Variants in CPB1 observed in about 807,000 individuals in gnomAD.
The protein encoded by CPB1 is carboxypeptidase B1.
In CPB1, 53 loss-of-function variants were observed where a neutral mutation model predicts 51.4. The observed-to-expected ratio is 1.03, with a 90% CI of 0.83 to 1.30. The LOEUF (loss-of-function observed/expected upper bound fraction) is 1.30. Among genes scored for constraint, CPB1 ranks in the 50% most tolerant of loss-of-function variants. The pLI is 0.00. For missense variants in CPB1, 494 were observed against 516.2 expected, an observed-to-expected ratio of 0.96 and a Z score of 0.42; for synonymous variants, 189 against 186.9, an observed-to-expected ratio of 1.01 and a Z score of -0.09.
intron 9 of CPB1, among the ~76,000 whole-genome samples, chr3:148,852,832 C>A (rs547907556): frequency 7.2e-5 from 11 of 152,194 alleles, no homozygotes; most frequent in African/African-American, 2.7e-4. Context: ...TCCCCGTGGG[C>A]TCTGTGGAAA....
chr3:148,858,058 G>A (rs1713635496), intron 10 of CPB1, among the ~76,000 whole-genome samples: 1 of 152,120 alleles, frequency 6.6e-6, no homozygotes, highest in Admixed American at 6.6e-5. Context: ...AAAGAGAAAA[G>A]GAAGGAGGGA....
At chr3:148,857,702 A>AG in intron 10 of CPB1, 161 bp downstream of exon 10, 2 of 523,402 alleles carry the variant, frequency 3.8e-6, no homozygotes, top group Non-Finnish European at 6.7e-6. Context: ...AAAAAAAAAA[A>AG]GGAGGGAAAG....
Position 148,828,030 on chromosome 3 carries a change from G to A in CPB1, c.100G>A (p.Asp34Asn). The stretch of plus-strand genomic sequence containing the variant: ...GAAGGTGTTCCGTGTTAACGTTGAA[G>A]ATGAAAATCACATTAACATAATCCG... ...GEKVFRVNVE[D>N]ENHINIIREL... Residue 34 changes from aspartate to asparagine, a missense_variant, in exon 2 of 11, where the codon GAT becomes AAT. Transcript: ENST00000282957. 1 of 1,614,090 alleles carries A rather than the reference G, an allele frequency of 6.2e-7. No homozygotes were observed. Among genetic ancestry groups the A allele is most frequent in the Non-Finnish European group, 8.5e-7 (1 of 1,179,984 alleles).
chr3:148,850,642 C>G (rs553285857), intron 9 of CPB1, among the ~76,000 whole-genome samples: 1 of 152,248 alleles, frequency 6.6e-6, no homozygotes, highest in South Asian at 2.1e-4. Flanking sequence ...CTGCTCTCCT[C>G]AAGAATTTGA....
chr3:148,834,981 G>A (rs189443576), intron 3 of CPB1, among the ~76,000 whole-genome samples: 1 of 152,268 alleles, frequency 6.6e-6, no homozygotes, highest in Non-Finnish European at 1.5e-5. Context: ...CTTCTTTCCA[G>A]GGGATCAGCG....
In CPB1 at chr3:148,844,811, A is replaced by G. The variant is rs774238507; in HGVS notation, c.778+44A>G. The G allele has an allele frequency of 1.2e-5, 19 of 1,541,256 alleles. No individual in the cohort carries two copies. In the Admixed American group the frequency reaches 2.9e-4, roughly 23 times the overall value. Reference sequence around the variant, plus strand: ...ATTTTGCATGTATCCATTGAAAAACATAAGAGGAAAAATATGAAAACACAA... The same window carrying G: ...ATTTTGCATGTATCCATTGAAAAACGTAAGAGGAAAAATATGAAAACACAA... On this transcript the variant is annotated intron_variant, in intron 8 of 10. Coordinates refer to ENST00000282957, the MANE Select transcript of CPB1 (RefSeq NM_001871.3).
At chr3:148,829,314 G>A (rs988588277) in intron 2 of CPB1, among the ~76,000 whole-genome samples, 1 of 152,120 alleles carries the variant, frequency 6.6e-6, no homozygotes, top group Non-Finnish European at 1.5e-5. Context: ...ACCTCCAGGT[G>A]TGTTCTGATT....
chr3:148,852,308 A>G (rs1429873117), intron 9 of CPB1, among the ~76,000 whole-genome samples: 1 of 152,078 alleles, frequency 6.6e-6, no homozygotes, highest in Non-Finnish European at 1.5e-5. Context: ...CCCAGATGAC[A>G]TTTGGCAATG....
chr3:148,840,638 G>C (rs753217792), intron 3 of CPB1, 48 bp from the exon 4 acceptor site: 1 of 1,548,842 alleles, frequency 6.5e-7, no homozygotes, highest in South Asian at 1.1e-5. Context: ...GTTCACTGGA[G>C]AAAAATACAC....
At chr3:148,833,432 GT>G (rs1300961012) in intron 2 of CPB1, among the ~76,000 whole-genome samples, 1 of 152,108 alleles carries the variant, frequency 6.6e-6, no homozygotes, top group African/African-American at 2.4e-5. Flanking sequence ...ATGCCTTACA[GT>G]ATTACCTTGT....
Position 148,827,997 on chromosome 3 carries a change from T to G in CPB1, c.72-5T>G. 6.2e-7 allele frequency: 1 copy of G among 1,613,946 alleles called. No homozygotes were observed. Among genetic ancestry groups the G allele is most frequent in the Non-Finnish European group, 8.5e-7 (1 of 1,179,828 alleles). On this transcript the variant is annotated splice_polypyrimidine_tract_variant and splice_region_variant and intron_variant, in intron 1 of 10. Coordinates refer to ENST00000282957, the MANE Select transcript of CPB1 (RefSeq NM_001871.3). ...TCTCTGTGCTTCTATTATCTCATTA[T>G]TCAGCGAGAAGGTGTTCCGTGTTAA...
intron 2 of CPB1, among the ~76,000 whole-genome samples, chr3:148,828,476 T>C (rs756072206): frequency 6.6e-6 from 1 of 152,338 alleles, no homozygotes; most frequent in East Asian, 1.9e-4. Flanking sequence ...TCTGTCCTCT[T>C]TGATTTTCTT....
At chr3:148,836,282 T>C (rs1268513240) in intron 3 of CPB1, among the ~76,000 whole-genome samples, 2 of 150,504 alleles carry the variant, frequency 1.3e-5, no homozygotes, top group South Asian at 2.1e-4. Flanking sequence ...ATTGACTGTC[T>C]TTTTAAAACA....
chr3:148,860,096 T>C lies in CPB1; in HGVS notation c.*94T>C, dbSNP rs1191499306. 5.8e-6 allele frequency: 7 copies of C among 1,206,120 alleles called. No homozygotes were observed. Among genetic ancestry groups the C allele is most frequent in the African/African-American group, 1.5e-5 (1 of 65,794 alleles). 74.7% of individuals were successfully genotyped at this position (1,206,120 alleles called of 1,614,324 possible). A position where few individuals can be genotyped will look rare whatever the true frequency, so the allele number is the denominator to read the frequency against. ...TTGGTTTGCCTGGATGTTTTGCAGA[T>C]CCCAATCTTTCTTTTAAGCTTCTGG... On this transcript the variant is annotated 3_prime_UTR_variant, in exon 11 of 11. Coordinates refer to ENST00000282957, the MANE Select transcript of CPB1 (RefSeq NM_001871.3).
In CPB1 at chr3:148,845,413, T is replaced by A. The variant is rs748134821; in HGVS notation, c.779-11T>A. 33 of 1,612,852 alleles carry A rather than the reference T, an allele frequency of 2.0e-5. No homozygotes were observed. Among genetic ancestry groups the A allele is most frequent in the African/African-American group, 2.7e-5 (2 of 74,900 alleles). ...GGTGATCCTTGCCATTAACATCATA[T>A]GTTTTTCCAGAAATTGGAGCCTCTC... On this transcript the variant is annotated splice_polypyrimidine_tract_variant and intron_variant, in intron 8 of 10. Coordinates refer to ENST00000282957, the MANE Select transcript of CPB1 (RefSeq NM_001871.3).
At chr3:148,850,141 A>C (rs1445097860) in intron 9 of CPB1, among the ~76,000 whole-genome samples, 1 of 152,244 alleles carries the variant, frequency 6.6e-6, no homozygotes, top group Non-Finnish European at 1.5e-5. Flanking sequence ...ATTAACGAGG[A>C]AAAAGATAAC....
At chr3:148,841,389 G>A (rs1713076156) in intron 5 of CPB1, among the ~76,000 whole-genome samples, 1 of 152,122 alleles carries the variant, frequency 6.6e-6, no homozygotes, top group Admixed American at 6.5e-5. Context: ...TTTTTGTCAC[G>A]TAATTCTAAT....
At chr3:148,849,479 G>A (rs979059514) in intron 9 of CPB1, among the ~76,000 whole-genome samples, 1 of 152,182 alleles carries the variant, frequency 6.6e-6, no homozygotes, top group Non-Finnish European at 1.5e-5. Context: ...GGGAGAAAAG[G>A]CTCTCAAACC....
At chr3:148,858,126 T>C (rs1351809790) in intron 10 of CPB1, among the ~76,000 whole-genome samples, 2 of 152,106 alleles carry the variant, frequency 1.3e-5, no homozygotes, top group Non-Finnish European at 2.9e-5. Flanking sequence ...AAGCAGTCTT[T>C]TGTGATACAG....
Sources: gnomAD v4.1 joint callset for allele counts (sites outside exome capture counted in the v4.1 genomes callset) on GRCh38, gnomAD v4.1.1 for gene constraint, MANE v1.5 for transcripts, NCBI Gene and HGNC (gene_info 2026-07-23, HGNC 2026-07-21) for gene names.